Variants in XPNPEP3 observed in about 807,000 individuals in gnomAD.
XPNPEP3 encodes the protein xaa-Pro aminopeptidase 3.
XPNPEP3 carries 41 observed loss-of-function variants against 60.0 expected under a neutral mutation model. The observed-to-expected ratio is 0.68, with a 90% confidence interval of 0.53 to 0.89. The LOEUF is 0.89. XPNPEP3 is among the 40% of genes least tolerant of loss of function. The pLI is 0.00. For missense variants in XPNPEP3, 598 were observed against 638.9 expected, an observed-to-expected ratio of 0.94 and a Z score of 0.69; for synonymous variants, 212 against 223.2, an observed-to-expected ratio of 0.95 and a Z score of 0.45.
chr22:40,865,297 G>A (rs2057972679), intron 1 of XPNPEP3, among the ~76,000 whole-genome samples: 1 of 148,894 alleles, frequency 6.7e-6, no homozygotes, highest in African/African-American at 2.5e-5. Context: ...GTATTTTGAA[G>A]CACTTGCCAC....
chr22:40,859,639 C>T (rs1046983938), intron 1 of XPNPEP3: 2 of 152,096 alleles, frequency 1.3e-5, no homozygotes, highest in African/African-American at 4.8e-5. Flanking sequence ...AATAAATAAC[C>T]TTTCCTTCTC....
At chr22:40,858,167 C>CAA (rs1251897903) in intron 1 of XPNPEP3, among the ~76,000 whole-genome samples, 1 of 152,182 alleles carries the variant, frequency 6.6e-6, no homozygotes, top group Non-Finnish European at 1.5e-5. Flanking sequence ...AGTGCAGTGG[C>CAA]AATCTCTGCT....
At position 40,929,585 on chromosome 22, in the gene XPNPEP3, A is replaced by G. The variant is rs1002666322; in HGVS notation, c.*3150A>G. 1 of 152,210 alleles carries G rather than the reference A, an allele frequency of 6.6e-6. No individual in the cohort carries two copies. Among genetic ancestry groups the G allele is most frequent in the Non-Finnish European group, 1.5e-5 (1 of 68,038 alleles). 9.4% of individuals were successfully genotyped at this position (152,210 alleles called of 1,614,324 possible). A position where few individuals can be genotyped will look rare whatever the true frequency, so the allele number is the denominator to read the frequency against. On this transcript the variant is annotated 3_prime_UTR_variant, in exon 10 of 10. Coordinates refer to ENST00000357137, the MANE Select transcript of XPNPEP3 (RefSeq NM_022098.4). The stretch of plus-strand genomic sequence containing the variant: ...GGACATGAAACACACTTCTGGTTAG[A>G]TTCCAGTCAAGTTCTATAGGTGTTA...
chr22:40,868,504 C>A (rs149351572), intron 1 of XPNPEP3, among the ~76,000 whole-genome samples: 189 of 151,938 alleles, frequency 1.2e-3, no homozygotes, highest in Non-Finnish European at 2.3e-3. Flanking sequence ...GTAAAGATCT[C>A]ATTTCTGTTT....
chr22:40,903,865 C>G (rs2089118330), intron 4 of XPNPEP3, among the ~76,000 whole-genome samples: 1 of 98,874 alleles, frequency 1.0e-5, no homozygotes, highest in Admixed American at 1.4e-4. Flanking sequence ...CCCCCCATCT[C>G]TCTCTCTGTC....
Position 40,860,986 on chromosome 22 carries a change from TTAAG to T in XPNPEP3, c.64+3743_64+3746del, listed in dbSNP as rs900446847. 1.0e-4 allele frequency: 139 copies of T among 1,345,868 alleles called. No homozygotes were observed. In the African/African-American group the frequency reaches 1.3e-3, roughly 13 times the overall value. The allele number at this position is 1,345,868 out of a possible 1,614,324, so 83.4% of individuals were successfully genotyped here. On this transcript the variant is annotated intron_variant, in intron 1 of 9. Transcript: ENST00000357137. ...GTGTTGAAAAGCTCTTAGTATAGTA[TTAAG>T]TGTTATCTACAAAATTTGTGATTAA... is the stretch of plus-strand genomic sequence containing the variant.
rs144152422 is a variant in XPNPEP3, at chr22:40,883,598, G to A, written c.589+1421G>A. ...GCTGGTTTTGAACTCCTGGCCTCAA[G>A]TGAGCCTCCCACCTCAGCCTCCTGA... On this transcript the variant is annotated intron_variant, in intron 3 of 9. Coordinates refer to ENST00000357137, the MANE Select transcript of XPNPEP3 (RefSeq NM_022098.4). Among the ~76,000 whole-genome samples the A allele has an allele frequency of 3.8e-3, 577 of 152,276 alleles. 3 individuals carry two copies. Among genetic ancestry groups the A allele is most frequent in the African/African-American group, 0.012 (514 of 41,550 alleles).
At chr22:40,909,263 C>G (rs765814926) in intron 6 of XPNPEP3, 28 bp downstream of exon 6, 14 of 1,569,942 alleles carry the variant, frequency 8.9e-6, no homozygotes, top group East Asian at 2.2e-5. Context: ...AGTGCTACTC[C>G]CACTAGGTCC....
chr22:40,870,201 C>T lies in XPNPEP3; in HGVS notation c.181+1086C>T, dbSNP rs1419336847. Reference sequence around the variant, plus strand: ...GTATTTATCTACCCTATCAACCTACCTGTAGACTCGAGTTATTTTTTTAAG... The same window carrying T: ...GTATTTATCTACCCTATCAACCTACTTGTAGACTCGAGTTATTTTTTTAAG... On this transcript the variant is annotated intron_variant, in intron 2 of 9. Coordinates refer to ENST00000357137, the MANE Select transcript of XPNPEP3 (RefSeq NM_022098.4). 3.9e-5 allele frequency: 13 copies of T among 330,226 alleles called. No individual in the cohort carries two copies. The East Asian group carries it at 7.3e-4, about 18-fold the overall frequency. The allele number at this position is 330,226 out of a possible 1,614,324, so 20.5% of individuals were successfully genotyped here.
chr22:40,904,209 G>T (rs1743882749), intron 4 of XPNPEP3, among the ~76,000 whole-genome samples: 1 of 152,124 alleles, frequency 6.6e-6, no homozygotes, highest in Non-Finnish European at 1.5e-5. Context: ...ATATAGTAAG[G>T]ATAGGTAGCA....
In XPNPEP3 at chr22:40,886,368, C is replaced by G; in HGVS notation, c.645C>G (p.His215Gln). The change falls in exon 4 of 10, where the codon CAC becomes CAG. Residue 215 changes from histidine to glutamine, a missense_variant. His to Gln is a conservative substitution (Grantham distance 24). Transcript: ENST00000357137. The part of the protein sequence containing the change: ...DWMRPSHAQL[H>Q]SDYMQPLTEA... ...TGAGGCCCTCACATGCACAGCTTCA[C>G]TCTGACTATATGCAGCCCCTGACTG... is the stretch of plus-strand genomic sequence containing the variant. 3 of 1,614,152 alleles carry G rather than the reference C, an allele frequency of 1.9e-6. No individual in the cohort carries two copies. Among genetic ancestry groups the G allele is most frequent in the Non-Finnish European group, 2.5e-6 (3 of 1,180,022 alleles).
chr22:40,908,404 G>GT (rs1163610201), intron 5 of XPNPEP3, among the ~76,000 whole-genome samples: 1 of 152,100 alleles, frequency 6.6e-6, no homozygotes, highest in Non-Finnish European at 1.5e-5. Flanking sequence ...CTGTAGTCCA[G>GT]TTACTCTGGA....
Position 40,926,842 on chromosome 22 carries a change from T to G in XPNPEP3, c.*407T>G. The G allele has an allele frequency of 3.7e-6, 1 of 267,690 alleles. No individual in the cohort carries two copies. The highest frequency in any genetic ancestry group is 3.8e-5 in the South Asian group (1 of 26,582). 16.6% of individuals were successfully genotyped at this position (267,690 alleles called of 1,614,324 possible). A position where few individuals can be genotyped will look rare whatever the true frequency, so the allele number is the denominator to read the frequency against. ...TCAACCCAATATCATAAGAAGTTTG[T>G]GTGATGCCTGTATTTTTAGCTAATT... On this transcript the variant is annotated 3_prime_UTR_variant, in exon 10 of 10. Coordinates refer to ENST00000357137, the MANE Select transcript of XPNPEP3 (RefSeq NM_022098.4).
chr22:40,914,506 A>G (rs887170951), intron 7 of XPNPEP3, among the ~76,000 whole-genome samples, 182 bp downstream of exon 7: 1 of 148,984 alleles, frequency 6.7e-6, no homozygotes, highest in Admixed American at 6.7e-5. Flanking sequence ...TGAGGCACAT[A>G]GAAACACCTA....
At chr22:40,886,756 G>C (rs992717598) in intron 4 of XPNPEP3, among the ~76,000 whole-genome samples, 3 of 150,952 alleles carry the variant, frequency 2.0e-5, no homozygotes, top group African/African-American at 7.3e-5. Flanking sequence ...GAACCCGGGA[G>C]GCAGAGCTTG....
Position 40,909,082 on chromosome 22 carries a change from A to G in XPNPEP3, c.856-40A>G, listed in dbSNP as rs568055702. The G allele has an allele frequency of 5.0e-4, 793 of 1,588,314 alleles. 10 individuals carry two copies. In the South Asian group the frequency reaches 7.6e-3, roughly 15 times the overall value. ...AGAGAGCTTGGGCTGGGGCAGCCCTACAGAAACCCTTTGTCATACCTTGCT... is the reference window on the plus strand; with the variant it reads ...AGAGAGCTTGGGCTGGGGCAGCCCTGCAGAAACCCTTTGTCATACCTTGCT... On this transcript the variant is annotated intron_variant, in intron 5 of 9. Transcript: ENST00000357137.
intron 6 of XPNPEP3, among the ~76,000 whole-genome samples, chr22:40,909,527 G>A (rs1162449068): frequency 6.6e-6 from 1 of 152,180 alleles, no homozygotes; most frequent in Non-Finnish European, 1.5e-5. Context: ...CACTTTGAGA[G>A]GCCAAGGCGG....
chr22:40,872,915 T>A (rs2058012046), intron 2 of XPNPEP3, among the ~76,000 whole-genome samples: 2 of 152,130 alleles, frequency 1.3e-5, no homozygotes, highest in African/African-American at 4.8e-5. Context: ...GAAGAATCAG[T>A]GGAATTCCTA....
At chr22:40,865,230 C>A (rs949733808) in intron 1 of XPNPEP3, among the ~76,000 whole-genome samples, 1 of 152,096 alleles carries the variant, frequency 6.6e-6, no homozygotes, top group African/African-American at 2.4e-5. Context: ...GCTAAAATCG[C>A]CAGGGTCTCC....
Sources: gnomAD v4.1 joint callset for allele counts (sites outside exome capture counted in the v4.1 genomes callset) on GRCh38, gnomAD v4.1.1 for gene constraint, MANE v1.5 for transcripts, NCBI Gene and HGNC (gene_info 2026-07-23, HGNC 2026-07-21) for gene names.